Variants in TMEM132C observed in about 807,000 individuals in gnomAD.
The protein encoded by TMEM132C is protein phosphatase 1, regulatory subunit 152.
TMEM132C carries 29 observed loss-of-function variants against 61.4 expected under a neutral mutation model. The observed-to-expected ratio is 0.47, with a 90% CI of 0.35 to 0.64. The LOEUF (loss-of-function observed/expected upper bound fraction) is 0.64. TMEM132C is among the 30% of genes least tolerant of loss of function. The probability of loss-of-function intolerance (pLI) is 0.00; values close to 1 mark genes in which losing one functional copy is unlikely to be tolerated. For synonymous variants in TMEM132C, 656 were observed against 633.1 expected (o/e 1.04, Z -0.54); for missense variants, 1,408 against 1,476.9 (o/e 0.95, Z 0.76).
In TMEM132C at chr12:128,415,081, C is replaced by T; in HGVS notation, c.435C>T (p.Pro145=). The change falls in exon 2 of 9, where the codon CCC becomes CCT. Residue 145 remains proline (P), a synonymous_variant. Coordinates refer to ENST00000435159, the MANE Select transcript of TMEM132C (RefSeq NM_001136103.3). This position sits in a 1 kb window ranked among gnomAD's most constrained non-coding sequence, Gnocchi z 5.8. ...ILRDKVYLSR[P]KVQVLFHIMG... ...GGGACAAAGTCTACCTGAGCCGGCC[C>T]AAAGTGCAGGTTCTTTTCCACATCA... 6.2e-7 allele frequency: 1 copy of T among 1,604,716 alleles called. No individual in the cohort carries two copies. Among genetic ancestry groups the T allele is most frequent in the Non-Finnish European group, 8.5e-7 (1 of 1,175,410 alleles).
chr12:128,403,667 G>A (rs1253043601), intron 1 of TMEM132C, among the ~76,000 whole-genome samples: 1 of 152,012 alleles, frequency 6.6e-6, no homozygotes, highest in Non-Finnish European at 1.5e-5. Context: ...ATCGACATGA[G>A]AATTCTGAGG....
intron 3 of TMEM132C, among the ~76,000 whole-genome samples, chr12:128,554,526 A>G (rs1167331469): frequency 6.6e-6 from 1 of 152,208 alleles, no homozygotes; most frequent in African/African-American, 2.4e-5. Context: ...TTCAGGAAAA[A>G]TTGTTCATCA....
intron 1 of TMEM132C, among the ~76,000 whole-genome samples, chr12:128,331,946 C>G (rs1872674706): frequency 6.6e-6 from 1 of 152,196 alleles, no homozygotes; most frequent in African/African-American, 2.4e-5. Context: ...ACTAGGCATA[C>G]AGAGTATCAT....
intron 2 of TMEM132C, among the ~76,000 whole-genome samples, chr12:128,525,702 G>A (rs1028357921): frequency 2.6e-5 from 4 of 152,116 alleles, no homozygotes; most frequent in Admixed American, 6.6e-5. Context: ...CAGCCTCTCC[G>A]TGCCCCAGGT....
At chr12:128,575,146 G>C (rs1030037159) in intron 3 of TMEM132C, among the ~76,000 whole-genome samples, 1 of 152,180 alleles carries the variant, frequency 6.6e-6, no homozygotes, top group African/African-American at 2.4e-5. Context: ...ATTGTTACAG[G>C]ATAATTTTTT....
chr12:128,705,201 G>C lies in TMEM132C; in HGVS notation c.2233G>C (p.Val745Leu). 4 of 1,551,546 alleles carry C rather than the reference G, an allele frequency of 2.6e-6. No individual in the cohort carries two copies. Among genetic ancestry groups the C allele is most frequent in the Middle Eastern group, 1.7e-4 (1 of 6,014 alleles). ...LAATSQDEAV[V>L]SVPQPRSPRW... Reference sequence around the variant, plus strand: ...AGCCACCTCCCAGGACGAGGCTGTCGTGTCAGTCCCCCAGCCCCGCTCTCC... The same window carrying C: ...AGCCACCTCCCAGGACGAGGCTGTCCTGTCAGTCCCCCAGCCCCGCTCTCC... Residue 745 changes from valine (V) to leucine (L), a missense_variant, in exon 9 of 9, where the codon GTG becomes CTG. By Grantham distance (32) the Val-to-Leu change is conservative. Transcript: ENST00000435159.
intron 3 of TMEM132C, among the ~76,000 whole-genome samples, chr12:128,560,094 A>G (rs1368340570): frequency 1.3e-5 from 2 of 152,132 alleles, no homozygotes; most frequent in African/African-American, 2.4e-5. Flanking sequence ...CAAAAATACA[A>G]AAGTTAGCCA....
chr12:128,363,785 C>T (rs1475957343), intron 1 of TMEM132C, among the ~76,000 whole-genome samples: 1 of 146,126 alleles, frequency 6.8e-6, no homozygotes, highest in Admixed American at 7.1e-5. Flanking sequence ...GCGGAGGGTG[C>T]AGTGAGCCGA....
intron 2 of TMEM132C, among the ~76,000 whole-genome samples, chr12:128,447,269 G>A (rs892593396): frequency 6.6e-6 from 1 of 152,174 alleles, no homozygotes; most frequent in African/African-American, 2.4e-5. Flanking sequence ...TCCTTTGGCT[G>A]TCCTGTGGCA....
intron 1 of TMEM132C, 57 bp from the exon 2 acceptor site, chr12:128,414,675 C>T: frequency 6.9e-7 from 1 of 1,444,538 alleles, no homozygotes; most frequent in Non-Finnish European, 9.1e-7. Flanking sequence ...AGCTAATGAG[C>T]AGCCCATTAA....
intron 4 of TMEM132C, among the ~76,000 whole-genome samples, chr12:128,654,825 G>A (rs1230965162): frequency 6.6e-6 from 1 of 152,168 alleles, no homozygotes; most frequent in Non-Finnish European, 1.5e-5. Flanking sequence ...GACAGAGAAG[G>A]CGTAACTAAG....
intron 2 of TMEM132C, among the ~76,000 whole-genome samples, chr12:128,534,709 A>G (rs556026157): frequency 4.6e-5 from 7 of 152,158 alleles, no homozygotes; most frequent in Non-Finnish European, 7.3e-5. Context: ...CTGGACACAA[A>G]CCCTGCAACA....
chr12:128,321,745 A>G (rs1359903601), intron 1 of TMEM132C, among the ~76,000 whole-genome samples: 1 of 152,220 alleles, frequency 6.6e-6, no homozygotes, highest in Non-Finnish European at 1.5e-5. Flanking sequence ...TATTGGGAGA[A>G]ACTGGGTAGA....
intron 3 of TMEM132C, among the ~76,000 whole-genome samples, chr12:128,595,618 C>T (rs145381281): frequency 1.3e-5 from 2 of 152,132 alleles, no homozygotes; most frequent in Non-Finnish European, 2.9e-5. Flanking sequence ...GCAGGAGGCA[C>T]GTGGGGGTGA....
chr12:128,495,718 A>G (rs553797451), intron 2 of TMEM132C, among the ~76,000 whole-genome samples: 10 of 152,014 alleles, frequency 6.6e-5, no homozygotes, highest in African/African-American at 2.2e-4. Flanking sequence ...TTTTGAGCCT[A>G]TGTGTGTCTC....
chr12:128,663,166 T>C (rs1954410025), intron 4 of TMEM132C, among the ~76,000 whole-genome samples: 1 of 152,232 alleles, frequency 6.6e-6, no homozygotes, highest in Admixed American at 6.5e-5. Context: ...TTTGCAAGGT[T>C]ATGAACCATC....
intron 1 of TMEM132C, among the ~76,000 whole-genome samples, chr12:128,390,054 G>A (rs376481778): frequency 1.3e-5 from 2 of 151,988 alleles, no homozygotes; most frequent in African/African-American, 4.8e-5. Flanking sequence ...ATTTTTTCAC[G>A]GAGATGGGGT....
chr12:128,289,404 G>A (rs2135907088), intron 1 of TMEM132C, among the ~76,000 whole-genome samples: 1 of 152,308 alleles, frequency 6.6e-6, no homozygotes, highest in South Asian at 2.1e-4. Flanking sequence ...CTAACTCCGT[G>A]GGGCACAGTC....
chr12:128,277,063 A>G (rs901565765), intron 1 of TMEM132C, among the ~76,000 whole-genome samples: 3 of 152,230 alleles, frequency 2.0e-5, no homozygotes, highest in African/African-American at 4.8e-5. Flanking sequence ...ACTGGAAACA[A>G]TGAGGTTGGG....
Sources: allele counts gnomAD v4.1 joint callset (sites outside exome capture counted in the v4.1 genomes callset), GRCh38; gene constraint gnomAD v4.1.1; non-coding constraint Gnocchi (gnomAD v3.1); transcripts MANE v1.5; gene names NCBI Gene and HGNC (gene_info 2026-07-23, HGNC 2026-07-21).